The following DNAH11 variants were observed in gnomAD, a reference collection of about 807,000 sequenced individuals.
DNAH11 encodes the protein axonemal beta dynein heavy chain 11.
DNAH11 carries 442 observed loss-of-function variants against 526.0 expected under a neutral mutation model. That is an observed-to-expected ratio of 0.84 (90% CI 0.78 to 0.91). The LOEUF (loss-of-function observed/expected upper bound fraction) is 0.91. Ranked by LOEUF, DNAH11 falls within the 40% of genes least tolerant of loss-of-function variation. The pLI, the probability that DNAH11 is intolerant of heterozygous loss-of-function variation, is 0.00. For synonymous variants in DNAH11, 2,461 were observed against 1,935.9 expected (o/e 1.27, Z -7.12); for missense variants, 6,989 against 5,448.7 (o/e 1.28, Z -8.90).
In DNAH11 at chr7:21,739,568, C is replaced by T. The variant is rs776418809; in HGVS notation, c.7812-3C>T. Reference sequence around the variant, plus strand: ...ATTTAAGGTTCTGTTTTCTGTCTTTCAGGTATGATAGACAGAAGGTGATGC... The same window carrying T: ...ATTTAAGGTTCTGTTTTCTGTCTTTTAGGTATGATAGACAGAAGGTGATGC... On this transcript the variant is annotated splice_region_variant and splice_polypyrimidine_tract_variant and intron_variant, in intron 47 of 81. Coordinates refer to ENST00000409508, the MANE Select transcript of DNAH11 (RefSeq NM_001277115.2). 4 of 1,608,648 alleles carry T rather than the reference C, an allele frequency of 2.5e-6. No individual in the cohort carries two copies. The South Asian group carries it at 4.5e-5, about 18-fold the overall frequency.
chr7:21,548,218 G>A (rs1292974894), intron 2 of DNAH11, among the ~76,000 whole-genome samples: 20 of 151,788 alleles, frequency 1.3e-4, no homozygotes, highest in Non-Finnish European at 1.8e-4. Flanking sequence ...TTCCCACCCA[G>A]CATAACACAT....
At chr7:21,836,643 G>A (rs1160513010) in intron 65 of DNAH11, among the ~76,000 whole-genome samples, 1 of 152,046 alleles carries the variant, frequency 6.6e-6, no homozygotes, top group Admixed American at 6.6e-5. Context: ...AAAACTACTA[G>A]AAGAAAACAT....
Position 21,681,688 on chromosome 7 carries a change from T to C in DNAH11, c.5460+11T>C, listed in dbSNP as rs746994367. The C allele has an allele frequency of 6.2e-7, 1 of 1,613,772 alleles. No homozygotes were observed. The highest frequency in any genetic ancestry group is 8.5e-7 in the Non-Finnish European group (1 of 1,179,730). ...CTTATTTCTCAGAAGGCAAGTTGTT[T>C]GTAGAAATTTTATGTATTCATTATT... On this transcript the variant is annotated intron_variant, in intron 31 of 81. Transcript: ENST00000409508.
chr7:21,874,976 T>G (rs1288685037), intron 74 of DNAH11, among the ~76,000 whole-genome samples: 1 of 152,164 alleles, frequency 6.6e-6, no homozygotes, highest in East Asian at 1.9e-4. Context: ...CATCCTTAGC[T>G]TCTTTTCTCG....
chr7:21,597,509 C>T (rs1421852783), intron 14 of DNAH11, among the ~76,000 whole-genome samples: 1 of 152,034 alleles, frequency 6.6e-6, no homozygotes, highest in Non-Finnish European at 1.5e-5. Context: ...GCTGGGGAGG[C>T]CTCAGGAAAC....
intron 65 of DNAH11, among the ~76,000 whole-genome samples, chr7:21,821,486 T>G (rs990656867): frequency 2.6e-5 from 4 of 152,100 alleles, no homozygotes; most frequent in African/African-American, 9.7e-5. Context: ...CCCAGAGACA[T>G]TAATTAACGT....
chr7:21,620,935 G>T (rs1172576651), intron 25 of DNAH11, among the ~76,000 whole-genome samples: 1 of 152,068 alleles, frequency 6.6e-6, no homozygotes, highest in African/African-American at 2.4e-5. Flanking sequence ...TGGTGTATCT[G>T]TGCCACATTT....
chr7:21,615,383 G>A, intron 21 of DNAH11, 111 bp downstream of exon 21: 6 of 1,236,226 alleles, frequency 4.9e-6, no homozygotes, highest in Non-Finnish European at 6.5e-6. Context: ...GAAATATGTG[G>A]AAATTAGATC....
intron 45 of DNAH11, among the ~76,000 whole-genome samples, chr7:21,730,546 A>G (rs544216153): frequency 6.6e-6 from 1 of 152,318 alleles, no homozygotes; most frequent in South Asian, 2.1e-4. Context: ...GTCCTTTGCA[A>G]CAACTTGGAT....
Position 21,601,583 on chromosome 7 carries a change from C to A in DNAH11, c.3613C>A (p.Gln1205Lys). 2 of 1,600,418 alleles carry A rather than the reference C, an allele frequency of 1.2e-6. No homozygotes were observed. The highest frequency in any genetic ancestry group is 8.5e-7 in the Non-Finnish European group (1 of 1,169,650). Reference sequence around the variant, plus strand: ...GATCACCCTCTTGGAAAGCTATGGCCAGAAGATGCCTGAGCAGGTCTATAT... The same window carrying A: ...GATCACCCTCTTGGAAAGCTATGGCAAGAAGATGCCTGAGCAGGTCTATAT... ...ETITLLESYG[Q>K]KMPEQVYIQL... Residue 1205 changes from glutamine to lysine, a missense_variant, in exon 18 of 82, where the codon CAG becomes AAG. Coordinates refer to ENST00000409508, the MANE Select transcript of DNAH11 (RefSeq NM_001277115.2).
At chr7:21,714,473 A>G (rs1297254006) in intron 42 of DNAH11, among the ~76,000 whole-genome samples, 1 of 152,198 alleles carries the variant, frequency 6.6e-6, no homozygotes, top group Admixed American at 6.5e-5. Flanking sequence ...TTTCCTCTCC[A>G]TAGTTATTGG....
At chr7:21,848,731 T>C (rs1782514111) in intron 66 of DNAH11, among the ~76,000 whole-genome samples, 1 of 152,150 alleles carries the variant, frequency 6.6e-6, no homozygotes, top group African/African-American at 2.4e-5. Flanking sequence ...CCTTCTTTGG[T>C]TTTAAGCATT....
chr7:21,544,049 A>G (rs10258022), intron 1 of DNAH11, among the ~76,000 whole-genome samples: 68,024 of 151,924 alleles, frequency 0.45, 15,592 homozygotes, highest in Middle Eastern at 0.52. Context: ...CACCCCAGGC[A>G]AAAACATTAA....
chr7:21,777,429 C>T (rs1005410705), intron 56 of DNAH11, among the ~76,000 whole-genome samples: 8 of 151,466 alleles, frequency 5.3e-5, no homozygotes, highest in African/African-American at 9.7e-5. Context: ...AATCCACAAA[C>T]AACCAAAAAT....
In DNAH11 at chr7:21,712,252, A is replaced by C. The variant is rs201676350; in HGVS notation, c.6983+392A>C. On this transcript the variant is annotated intron_variant, in intron 42 of 81. Transcript: ENST00000409508. ...CTGAATAATACTCCATTATGTGTAC[A>C]TACCACATTTCGTTTACCCATTCAT... 3.9e-5 allele frequency among the ~76,000 whole-genome samples: 6 copies of C among 152,344 alleles called. No homozygotes were observed. The East Asian group carries it at 9.6e-4, about 24-fold the overall frequency.
chr7:21,876,696 C>T (rs983467960), intron 74 of DNAH11, among the ~76,000 whole-genome samples: 4 of 152,192 alleles, frequency 2.6e-5, no homozygotes, highest in African/African-American at 7.2e-5. Context: ...CAGGTGGCTG[C>T]AGGAGTTGCA....
intron 9 of DNAH11, among the ~76,000 whole-genome samples, chr7:21,583,425 A>G (rs558653119): frequency 5.9e-5 from 9 of 152,350 alleles, no homozygotes; most frequent in Admixed American, 3.3e-4. Flanking sequence ...TACACCTTAT[A>G]GAAAAATTAA....
At chr7:21,764,272 A>C (rs1337387648) in intron 54 of DNAH11, among the ~76,000 whole-genome samples, 2 of 104,082 alleles carry the variant, frequency 1.9e-5, no homozygotes. Flanking sequence ...ATAAACAATA[A>C]AACACTTGTT....
At chr7:21,601,951 A>T (rs192340045) in intron 18 of DNAH11, among the ~76,000 whole-genome samples, 3 of 151,920 alleles carry the variant, frequency 2.0e-5, no homozygotes, top group African/African-American at 7.3e-5. Context: ...TTTTTCACAC[A>T]TGAAATATAT....
Sources: gnomAD v4.1 joint callset for allele counts (sites outside exome capture counted in the v4.1 genomes callset) on GRCh38, gnomAD v4.1.1 for gene constraint, MANE v1.5 for transcripts, NCBI Gene and HGNC (gene_info 2026-07-23, HGNC 2026-07-21) for gene names.